DACH2: variants seen among roughly 807,000 people sequenced by gnomAD.
DACH2 encodes the protein dachshund family transcription factor 2, also known as dachshund homolog 2.
In DACH2, 17 loss-of-function variants were observed where a neutral mutation model predicts 35.8. That is an observed-to-expected ratio of 0.48 (90% CI 0.33 to 0.71). The LOEUF (loss-of-function observed/expected upper bound fraction) is 0.71, where lower values mean the gene tolerates loss of function less well. Ranked by LOEUF, DACH2 falls within the 30% of genes least tolerant of loss-of-function variation. The pLI, the probability that DACH2 is intolerant of heterozygous loss-of-function variation, is 0.02. For synonymous variants in DACH2, 195 were observed against 177.3 expected (o/e 1.10, Z -0.79); for missense variants, 469 against 472.7 (o/e 0.99, Z 0.07).
chrX:86,253,615 T>G (rs2033445392), intron 1 of DACH2, among the ~76,000 whole-genome samples: 1 of 111,903 alleles, frequency 8.9e-6, no homozygotes, highest in Non-Finnish European at 1.9e-5. Context: ...TTTTATGTCT[T>G]CAGGTCAGAA....
chrX:86,330,065 C>T (rs1332739588), intron 1 of DACH2, among the ~76,000 whole-genome samples: 1 of 111,869 alleles, frequency 8.9e-6, no homozygotes, highest in African/African-American at 3.2e-5. Context: ...TCTAAGCACA[C>T]AAGTGCCATT....
At chrX:86,230,720 G>A (rs1411949960) in intron 1 of DACH2, among the ~76,000 whole-genome samples, 2 of 111,159 alleles carry the variant, frequency 1.8e-5, no homozygotes, top group African/African-American at 6.5e-5. Flanking sequence ...TAGGAGGGTT[G>A]TTTTTTCCAG....
At chrX:86,460,995 T>C in intron 2 of DACH2, among the ~76,000 whole-genome samples, 1 of 111,336 alleles carries the variant, frequency 9.0e-6, no homozygotes, top group South Asian at 3.7e-4. Flanking sequence ...CAAGTCTAGC[T>C]CAACGTAAAA....
intron 2 of DACH2, among the ~76,000 whole-genome samples, chrX:86,461,000 G>A (rs1024237240): frequency 2.7e-5 from 3 of 111,052 alleles, no homozygotes; most frequent in Non-Finnish European, 5.7e-5. Context: ...CTAGCTCAAC[G>A]TAAAACCTAT....
At chrX:86,301,619 G>A (rs1045509802) in intron 1 of DACH2, among the ~76,000 whole-genome samples, 2 of 111,367 alleles carry the variant, frequency 1.8e-5, no homozygotes, top group Admixed American at 1.9e-4. Flanking sequence ...GATGTTTGGA[G>A]GTTAACTTAG....
intron 1 of DACH2, among the ~76,000 whole-genome samples, chrX:86,347,867 A>T (rs968760282): frequency 6.3e-5 from 7 of 111,932 alleles, no homozygotes; most frequent in African/African-American, 2.3e-4. Flanking sequence ...TTCTTCCATC[A>T]GTTTATGCTA....
chrX:86,756,817 A>G (rs2041834316), intron 7 of DACH2, among the ~76,000 whole-genome samples: 1 of 111,614 alleles, frequency 9.0e-6, no homozygotes. Context: ...ATTCCAGCTC[A>G]TAGAGGAAAG....
At chrX:86,678,479 G>GAAAT (rs1246036853) in intron 4 of DACH2, among the ~76,000 whole-genome samples, 4 of 111,745 alleles carry the variant, frequency 3.6e-5, no homozygotes, top group Non-Finnish European at 7.5e-5. Flanking sequence ...TTTTCACTTG[G>GAAAT]TAAAAATAAG....
intron 2 of DACH2, among the ~76,000 whole-genome samples, chrX:86,489,162 A>G (rs1243682573): frequency 9.0e-6 from 1 of 111,365 alleles, no homozygotes; most frequent in Non-Finnish European, 1.9e-5. Flanking sequence ...ATAAATTTAT[A>G]TCTTAATTTC....
chrX:86,671,404 T>A (rs1234196926), intron 4 of DACH2, among the ~76,000 whole-genome samples: 3 of 112,261 alleles, frequency 2.7e-5, no homozygotes, highest in Non-Finnish European at 5.6e-5. Context: ...GAATCTCATG[T>A]TGGATTGTAA....
At chrX:86,777,005 G>A (rs1461384724) in intron 7 of DACH2, among the ~76,000 whole-genome samples, 2 of 111,588 alleles carry the variant, frequency 1.8e-5, no homozygotes, top group African/African-American at 6.5e-5. Flanking sequence ...CATTTGGGTT[G>A]GTTCCAAGTC....
chrX:86,295,446 C>G (rs138333202), intron 1 of DACH2, among the ~76,000 whole-genome samples: 1,257 of 111,732 alleles, frequency 0.011, 14 homozygotes, highest in African/African-American at 0.039. Context: ...GTTTCATACC[C>G]AACCAGTTCA....
chrX:86,649,707 G>C (rs1361111861), intron 3 of DACH2, among the ~76,000 whole-genome samples: 1 of 111,247 alleles, frequency 9.0e-6, no homozygotes, highest in Non-Finnish European at 1.9e-5. Flanking sequence ...ATCATAAGGA[G>C]TACAGAATGG....
At chrX:86,737,599 G>T (rs2041609668) in intron 6 of DACH2, among the ~76,000 whole-genome samples, 1 of 111,312 alleles carries the variant, frequency 9.0e-6, no homozygotes, top group African/African-American at 3.3e-5. Context: ...AAATTTAGTG[G>T]TTTAACACAG....
chrX:86,328,136 A>G (rs1243382345), intron 1 of DACH2, among the ~76,000 whole-genome samples: 1 of 111,543 alleles, frequency 9.0e-6, no homozygotes, highest in Admixed American at 9.6e-5. Context: ...ATTTACTCCA[A>G]GCATACTAAC....
intron 3 of DACH2, among the ~76,000 whole-genome samples, chrX:86,545,470 A>T (rs2038944769): frequency 8.9e-6 from 1 of 112,092 alleles, no homozygotes; most frequent in African/African-American, 3.2e-5. Flanking sequence ...TGATGAAATA[A>T]TCTGTATACA....
chrX:86,544,997 G>T (rs1238387782), intron 3 of DACH2, among the ~76,000 whole-genome samples: 1 of 111,889 alleles, frequency 8.9e-6, no homozygotes, highest in Non-Finnish European at 1.9e-5. Context: ...GTTTTGCCAT[G>T]TTGGCCAGGC....
At chrX:86,552,581 T>G (rs2039064931) in intron 3 of DACH2, among the ~76,000 whole-genome samples, 1 of 111,953 alleles carries the variant, frequency 8.9e-6, no homozygotes, top group Non-Finnish European at 1.9e-5. Flanking sequence ...ATTTAAAAAT[T>G]TGTAAGTAAC....
chrX:86,614,726 A>C (rs2148372174), intron 3 of DACH2, among the ~76,000 whole-genome samples: 1 of 111,663 alleles, frequency 9.0e-6, no homozygotes, highest in African/African-American at 3.2e-5. Context: ...TGCTTTCCAT[A>C]AAATTTTGAG....
Sources: gnomAD v4.1 joint callset for allele counts (sites outside exome capture counted in the v4.1 genomes callset) on GRCh38, gnomAD v4.1.1 for gene constraint, MANE v1.5 for transcripts, NCBI Gene and HGNC (gene_info 2026-07-23, HGNC 2026-07-21) for gene names.